Variants in ESR1 observed in about 807,000 individuals in gnomAD.
ESR1 encodes estrogen receptor 1.
In ESR1, 12 loss-of-function variants were observed where a neutral mutation model predicts 52.7. The ratio of observed to expected loss-of-function variants is 0.23; its 90% CI spans 0.15 to 0.37. The LOEUF (loss-of-function observed/expected upper bound fraction) is 0.37, where lower values mean the gene tolerates loss of function less well. ESR1 is among the 10% of genes least tolerant of loss of function. The pLI, the probability that ESR1 is intolerant of heterozygous loss-of-function variation, is 1.00. For synonymous variants in ESR1, 305 were observed against 316.8 expected (o/e 0.96, Z 0.39); for missense variants, 584 against 779.7 (o/e 0.75, Z 2.99).
At chr6:151,981,370 A>G (rs2039977063) in intron 4 of ESR1, among the ~76,000 whole-genome samples, 1 of 152,236 alleles carries the variant, frequency 6.6e-6, no homozygotes, top group Non-Finnish European at 1.5e-5. Context: ...TAATAAGAGC[A>G]TCTAGAACAG....
chr6:151,742,719 A>T (rs1007099707), intron 2 of ESR1, among the ~76,000 whole-genome samples: 1 of 152,238 alleles, frequency 6.6e-6, no homozygotes, highest in African/African-American at 2.4e-5. Flanking sequence ...TAGAATCATC[A>T]TCAGGATCAC....
chr6:151,778,718 T>C (rs972266511), intron 2 of ESR1, among the ~76,000 whole-genome samples: 1 of 152,216 alleles, frequency 6.6e-6, no homozygotes, highest in South Asian at 2.1e-4. Flanking sequence ...TTTACAACTT[T>C]TAAATCATAG....
At chr6:152,033,013 C>A (rs1402164442) in intron 5 of ESR1, among the ~76,000 whole-genome samples, 1 of 152,156 alleles carries the variant, frequency 6.6e-6, no homozygotes, top group Non-Finnish European at 1.5e-5. Flanking sequence ...TGATCTTTGA[C>A]AAACCTGAGA....
At chr6:151,699,804 G>C (rs2115408662) in intron 1 of ESR1, among the ~76,000 whole-genome samples, 1 of 152,252 alleles carries the variant, frequency 6.6e-6, no homozygotes, top group South Asian at 2.1e-4. Flanking sequence ...GGAAAATGCT[G>C]GCTCTTTCTT....
chr6:152,037,363 A>C (rs925738163), intron 5 of ESR1, among the ~76,000 whole-genome samples: 8 of 152,178 alleles, frequency 5.3e-5, no homozygotes, highest in Non-Finnish European at 7.3e-5. Flanking sequence ...ATAATCTCTT[A>C]TTTCTTTCTT....
At chr6:151,877,607 T>G (rs1356218193) in intron 2 of ESR1, among the ~76,000 whole-genome samples, 1 of 152,178 alleles carries the variant, frequency 6.6e-6, no homozygotes, top group Non-Finnish European at 1.5e-5. Context: ...CACTTGGTTC[T>G]ACAAAGATAC....
At chr6:152,012,126 A>G (rs2042828602) in intron 5 of ESR1, among the ~76,000 whole-genome samples, 1 of 151,844 alleles carries the variant, frequency 6.6e-6, no homozygotes, top group South Asian at 2.1e-4. Context: ...TCATATAAAA[A>G]TTATAATAAC....
chr6:152,125,488 A>C, exon 7 of ESR1: 1 of 1,193,852 alleles, frequency 8.4e-7, no homozygotes, highest in Non-Finnish European at 1.1e-6. Flanking sequence ...CTCATTTGCA[A>C]TGATTCAATG....
rs761165789 is a variant in ESR1, at chr6:152,011,671, C to G, written c.1112C>G (p.Thr371Ser). 31 of 1,612,970 alleles carry G rather than the reference C, an allele frequency of 1.9e-5. No individual in the cohort carries two copies. Among genetic ancestry groups the G allele is most frequent in the Non-Finnish European group, 2.5e-5 (30 of 1,179,468 alleles). ...AKRVPGFVDL[T>S]LHDQVHLLEC... Reference sequence around the variant, plus strand: ...TTGTTTTCAGGCTTTGTGGATTTGACCCTCCATGATCAGGTCCACCTTCTA... The same window carrying G: ...TTGTTTTCAGGCTTTGTGGATTTGAGCCTCCATGATCAGGTCCACCTTCTA... The change falls in exon 5 of 8, where the codon ACC becomes AGC. Residue 371 changes from threonine (T) to serine (S), a missense_variant. Thr to Ser is a moderately conservative substitution (Grantham distance 58). Coordinates refer to ENST00000206249, the MANE Select transcript of ESR1 (RefSeq NM_000125.4).
chr6:152,082,144 G>A (rs1490035501), intron 6 of ESR1, among the ~76,000 whole-genome samples: 1 of 152,110 alleles, frequency 6.6e-6, no homozygotes, highest in Non-Finnish European at 1.5e-5. Flanking sequence ...CCAAAACCTG[G>A]CAGAGACACA....
At chr6:151,876,369 T>A (rs940719395) in intron 2 of ESR1, among the ~76,000 whole-genome samples, 17 of 152,080 alleles carry the variant, frequency 1.1e-4, no homozygotes, top group African/African-American at 2.9e-4. Flanking sequence ...GGAAAGAGAT[T>A]TGATCTGAAG....
Position 151,767,608 on chromosome 6 carries a change from GTAA to G in ESR1, c.-70-40232_-70-40230del, listed in dbSNP as rs56843807. On this transcript the variant is annotated intron_variant, in intron 2 of 2. Coordinates refer to the ESR1 transcript ENST00000404742. ...GTCTGCACTGAATACAGCGTGATAG[GTAA>G]TATATATGATTTATCTTGGTGACAA... Among the ~76,000 whole-genome samples the G allele has an allele frequency of 9.1e-4, 139 of 152,318 alleles. No individual in the cohort carries two copies. The East Asian group carries it at 0.025, about 27-fold the overall frequency.
chr6:151,953,347 G>A (rs556704422), intron 4 of ESR1, among the ~76,000 whole-genome samples: 2 of 152,276 alleles, frequency 1.3e-5, no homozygotes, highest in East Asian at 3.9e-4. Context: ...ATTTTCTTTA[G>A]GAGTTGAAGA....
chr6:152,069,186 A>G (rs2048194807), intron 6 of ESR1, among the ~76,000 whole-genome samples: 1 of 137,030 alleles, frequency 7.3e-6, no homozygotes, highest in African/African-American at 3.3e-5. Flanking sequence ...CCACCTCTTG[A>G]AAAAGTCTGG....
intron 2 of ESR1, among the ~76,000 whole-genome samples, chr6:151,724,438 A>C (rs537841891): frequency 6.0e-4 from 91 of 152,250 alleles, no homozygotes; most frequent in African/African-American, 2.1e-3. Context: ...GAACCTTCAG[A>C]AACGGACATT....
At chr6:151,781,246 C>G (rs571103113) in intron 2 of ESR1, among the ~76,000 whole-genome samples, 2 of 152,176 alleles carry the variant, frequency 1.3e-5, no homozygotes, top group African/African-American at 4.8e-5. Flanking sequence ...AATTTATTGG[C>G]TCACGATTCT....
At chr6:151,698,103 C>T (rs938196618) in intron 1 of ESR1, among the ~76,000 whole-genome samples, 20 of 151,794 alleles carry the variant, frequency 1.3e-4, no homozygotes, top group African/African-American at 4.8e-4. Flanking sequence ...TGGTGGCTCA[C>T]ACCTGTAATC....
chr6:152,005,359 C>T (rs561787292), intron 4 of ESR1, among the ~76,000 whole-genome samples: 1 of 151,836 alleles, frequency 6.6e-6, no homozygotes, highest in African/African-American at 2.4e-5. Context: ...GTCCAGGATG[C>T]CTTTTTATCC....
At chr6:151,833,247 G>C (rs1358744367) in intron 1 of ESR1, among the ~76,000 whole-genome samples, 1 of 152,194 alleles carries the variant, frequency 6.6e-6, no homozygotes, top group Non-Finnish European at 1.5e-5. Context: ...CTGAGGCTAA[G>C]GAGACTGTGT....
Sources: allele counts gnomAD v4.1 joint callset (sites outside exome capture counted in the v4.1 genomes callset), GRCh38; gene constraint gnomAD v4.1.1; transcripts MANE v1.5; gene names NCBI Gene and HGNC (gene_info 2026-07-23, HGNC 2026-07-21).